Variants in BCKDHB observed in about 807,000 individuals in gnomAD.
BCKDHB encodes branched chain keto acid dehydrogenase E1 subunit beta, also known as 2-oxoisovalerate dehydrogenase subunit beta, mitochondrial.
Under a neutral mutation model 48.5 loss-of-function variants are expected in BCKDHB, and 41 were observed. The observed-to-expected ratio is 0.85, with a 90% CI of 0.66 to 1.10. BCKDHB has a LOEUF of 1.10. Among genes scored for constraint, BCKDHB ranks in the 50% least tolerant of loss-of-function variants. The pLI is 0.00. For synonymous variants in BCKDHB, 201 were observed against 174.8 expected, an observed-to-expected ratio of 1.15 and a Z score of -1.18; for missense variants, 496 against 494.2, an observed-to-expected ratio of 1.00 and a Z score of -0.03.
chr6:80,171,604 A>C (rs766615115), intron 6 of BCKDHB, among the ~76,000 whole-genome samples: 12 of 152,076 alleles, frequency 7.9e-5, no homozygotes, highest in Non-Finnish European at 1.2e-4. Flanking sequence ...GTGGAAACAA[A>C]GAGGAAATCT....
At chr6:80,223,722 C>T (rs970181177) in intron 8 of BCKDHB, among the ~76,000 whole-genome samples, 5 of 152,178 alleles carry the variant, frequency 3.3e-5, no homozygotes, top group Middle Eastern at 3.4e-3. Flanking sequence ...GTGACAGATA[C>T]GATATGTAGT....
chr6:80,202,955 C>A, intron 7 of BCKDHB, 147 bp from the exon 8 acceptor site: 1 of 680,626 alleles, frequency 1.5e-6, no homozygotes, highest in Admixed American at 2.3e-5. Context: ...TGGGCTTCAA[C>A]ATATTTAAAA....
At chr6:80,319,311 G>GT (rs1231978964) in intron 9 of BCKDHB, among the ~76,000 whole-genome samples, 8 of 152,164 alleles carry the variant, frequency 5.3e-5, no homozygotes, top group Non-Finnish European at 1.0e-4. Flanking sequence ...TTAATCCTTA[G>GT]TTTTTCCATT....
chr6:80,301,411 C>T (rs1233427633), intron 9 of BCKDHB, among the ~76,000 whole-genome samples: 1 of 151,998 alleles, frequency 6.6e-6, no homozygotes, highest in Non-Finnish European at 1.5e-5. Flanking sequence ...TCTGTGCACA[C>T]AAACTAGAAA....
the BCKDHB span, among the ~76,000 whole-genome samples, chr6:80,421,939 G>A: frequency 1.3e-5 from 2 of 152,304 alleles, no homozygotes; most frequent in African/African-American, 4.8e-5. Context: ...ATTTTCTTGG[G>A]AGAAATTGAA....
intron 9 of BCKDHB, among the ~76,000 whole-genome samples, chr6:80,313,391 C>T (rs565508529): frequency 3.3e-5 from 5 of 152,166 alleles, no homozygotes; most frequent in South Asian, 4.1e-4. Context: ...GATGGAGTCT[C>T]GCTTTGTCAC....
chr6:80,242,436 G>A (rs1328687714), intron 8 of BCKDHB, among the ~76,000 whole-genome samples: 1 of 152,060 alleles, frequency 6.6e-6, no homozygotes, highest in Admixed American at 6.6e-5. Context: ...CAAATCTCCC[G>A]AACTTGCTCT....
At chr6:80,242,495 T>G (rs1303699156) in intron 8 of BCKDHB, among the ~76,000 whole-genome samples, 1 of 152,136 alleles carries the variant, frequency 6.6e-6, no homozygotes, top group Non-Finnish European at 1.5e-5. Flanking sequence ...AGGTGATATT[T>G]TTAGTCCTTT....
intron 1 of BCKDHB, among the ~76,000 whole-genome samples, chr6:80,112,974 C>G (rs1425131358): frequency 1.3e-5 from 2 of 152,180 alleles, no homozygotes; most frequent in Non-Finnish European, 2.9e-5. Context: ...TAGCCATGAA[C>G]TTTAATGATA....
intron 1 of BCKDHB, among the ~76,000 whole-genome samples, chr6:80,125,190 G>A (rs1770280091): frequency 6.6e-6 from 1 of 152,074 alleles, no homozygotes; most frequent in African/African-American, 2.4e-5. Flanking sequence ...TACTGAGATG[G>A]CTTCTCTTCT....
At chr6:80,164,730 G>T (rs191436230) in intron 3 of BCKDHB, among the ~76,000 whole-genome samples, 1 of 152,132 alleles carries the variant, frequency 6.6e-6, no homozygotes, top group Non-Finnish European at 1.5e-5. Flanking sequence ...AGAGTGTTTA[G>T]TAATCCGTGG....
At chr6:80,298,618 G>A (rs1306640251) in intron 9 of BCKDHB, among the ~76,000 whole-genome samples, 3 of 152,338 alleles carry the variant, frequency 2.0e-5, no homozygotes, top group South Asian at 4.1e-4. Context: ...TGTGATGATG[G>A]AGACCAAAAG....
intron 8 of BCKDHB, among the ~76,000 whole-genome samples, chr6:80,268,257 T>C (rs73748766): frequency 0.018 from 2,740 of 152,268 alleles, 74 homozygotes; most frequent in African/African-American, 0.062. Flanking sequence ...GTTGCGTTGA[T>C]ATTTGAAGTT....
rs553157870 is a variant in BCKDHB at position 80,243,567 on chromosome 6, C to G, written c.952-29568C>G. ...ATATTTTTTGAGTGAGGGTATCACT[C>G]TGTCATCCAGACTGGAGTGCAGTGG... On this transcript the variant is annotated intron_variant, in intron 8 of 9. Coordinates refer to ENST00000320393, the MANE Select transcript of BCKDHB (RefSeq NM_183050.4). Among the ~76,000 whole-genome samples, 11 of 152,298 alleles carry G rather than the reference C, an allele frequency of 7.2e-5. 1 individual carries two copies. The highest frequency in any genetic ancestry group is 2.6e-4 in the African/African-American group (11 of 41,566).
the BCKDHB span, among the ~76,000 whole-genome samples, chr6:80,379,146 C>T: frequency 6.6e-6 from 1 of 151,884 alleles, no homozygotes; most frequent in Non-Finnish European, 1.5e-5. Context: ...AGAAAAGAAA[C>T]TACAAGCCAA....
chr6:80,141,209 T>C (rs1440359669), intron 3 of BCKDHB, among the ~76,000 whole-genome samples: 2 of 152,026 alleles, frequency 1.3e-5, no homozygotes, highest in African/African-American at 2.4e-5. Flanking sequence ...TCTTTATTAG[T>C]CTTGCTAGCG....
At chr6:80,398,691 C>G in the BCKDHB span, among the ~76,000 whole-genome samples, 2 of 143,514 alleles carry the variant, frequency 1.4e-5, no homozygotes, top group African/African-American at 5.8e-5. Context: ...CCTACTAAAA[C>G]TTTTGAAAAA....
At chr6:80,304,600 T>G (rs1582538611) in intron 9 of BCKDHB, among the ~76,000 whole-genome samples, 2 of 152,214 alleles carry the variant, frequency 1.3e-5, no homozygotes, top group East Asian at 3.9e-4. Flanking sequence ...TCTCATTTTA[T>G]AAATTTTGTG....
intron 9 of BCKDHB, among the ~76,000 whole-genome samples, chr6:80,336,902 A>G (rs942517251): frequency 6.6e-6 from 1 of 152,096 alleles, no homozygotes; most frequent in Admixed American, 6.5e-5. Flanking sequence ...CTGCTTTCCA[A>G]ATAATTAATT....
Sources: gnomAD v4.1 joint callset for allele counts (sites outside exome capture counted in the v4.1 genomes callset) on GRCh38, gnomAD v4.1.1 for gene constraint, MANE v1.5 for transcripts, NCBI Gene and HGNC (gene_info 2026-07-23, HGNC 2026-07-21) for gene names.